The following ZNF577 variants were observed in gnomAD, a reference collection of about 807,000 sequenced individuals.
ZNF577 encodes zinc finger protein 577.
A neutral mutation model predicts 13.9 loss-of-function variants in ZNF577; 14 were observed. The ratio of observed to expected loss-of-function variants is 1.00; its 90% CI spans 0.66 to 1.57. The LOEUF is 1.57. Among genes scored for constraint, ZNF577 ranks in the 40% most tolerant of loss-of-function variants. ZNF577 has a pLI of 0.00. For missense variants in ZNF577, 555 were observed against 579.2 expected (o/e 0.96, Z 0.43); for synonymous variants, 203 against 202.9 (o/e 1.00, Z 0.00).
chr19:51,874,973 G>A (rs2084732665), intron 5 of ZNF577, among the ~76,000 whole-genome samples: 1 of 152,146 alleles, frequency 6.6e-6, no homozygotes, highest in African/African-American at 2.4e-5. Context: ...TTAATAAAAT[G>A]AGGGTAAAAG....
intron 5 of ZNF577, among the ~76,000 whole-genome samples, chr19:51,858,982 C>G (rs1209891360): frequency 6.6e-6 from 1 of 152,160 alleles, no homozygotes; most frequent in Non-Finnish European, 1.5e-5. Flanking sequence ...ATACATACTA[C>G]GCAGATAGAT....
chr19:51,832,946 C>T (rs963683271), intron 9 of ZNF577, among the ~76,000 whole-genome samples: 4 of 152,174 alleles, frequency 2.6e-5, no homozygotes, highest in African/African-American at 9.6e-5. Flanking sequence ...CAAGTCTTGA[C>T]ATACTCCAAT....
chr19:51,877,926 G>C (rs1190632589), intron 4 of ZNF577: 2 of 156,194 alleles, frequency 1.3e-5, no homozygotes, highest in Admixed American at 6.2e-5. Flanking sequence ...ATATTATTCA[G>C]CCTTAAAAAG....
In ZNF577 at chr19:51,877,364, G is replaced by C. The variant is rs746941003; in HGVS notation, c.201C>G (p.Thr67=). The C allele has an allele frequency of 6.2e-7, 1 of 1,614,064 alleles. No individual in the cohort carries two copies. The highest frequency in any genetic ancestry group is 1.3e-5 in the African/African-American group (1 of 75,028). Residue 67 remains threonine (T), a synonymous_variant, in exon 5 of 6, where the codon ACC becomes ACG. Transcript: ENST00000638348. Reference sequence around the variant, plus strand: ...CCAACTTGAAGAGCGAATCTGGCTTGGTGCCTCGATACCCTGTAAATGGGA... The same window carrying C: ...CCAACTTGAAGAGCGAATCTGGCTTCGTGCCTCGATACCCTGTAAATGGGA... ...INLVSIGYRG[T]KPDSLFKLEQ...
At chr19:51,838,636 G>T (rs1412431720) in intron 9 of ZNF577, among the ~76,000 whole-genome samples, 1 of 147,560 alleles carries the variant, frequency 6.8e-6, no homozygotes, top group Admixed American at 6.8e-5. Flanking sequence ...AAATTAAATA[G>T]AATTTAATTT....
At chr19:51,863,027 C>T (rs1036018256), downstream of ZNF577, 3 of 152,218 alleles carry the variant, frequency 2.0e-5, no homozygotes, top group Non-Finnish European at 4.4e-5. Context: ...TGATGATACA[C>T]AAGCCCTGAA....
chr19:51,833,210 C>G (rs1409912075), intron 9 of ZNF577, among the ~76,000 whole-genome samples: 1 of 152,124 alleles, frequency 6.6e-6, no homozygotes, highest in African/African-American at 2.4e-5. Flanking sequence ...CGGGCTCTAC[C>G]TGTGTTTCCC....
chr19:51,883,940 G>C (rs1435993156), intron 1 of ZNF577, among the ~76,000 whole-genome samples: 1 of 152,124 alleles, frequency 6.6e-6, no homozygotes, highest in Non-Finnish European at 1.5e-5. Context: ...CTGGTGTGGT[G>C]GCAGATGCCT....
chr19:51,880,192 A>G (rs1599876337), intron 3 of ZNF577, 131 bp downstream of exon 3: 3 of 979,628 alleles, frequency 3.1e-6, no homozygotes, highest in East Asian at 2.4e-5. Context: ...TTACCCCACT[A>G]AACAACAGGA....
chr19:51,837,594 G>A (rs2122533000), intron 9 of ZNF577, among the ~76,000 whole-genome samples: 1 of 152,286 alleles, frequency 6.6e-6, no homozygotes, highest in Non-Finnish European at 1.5e-5. Flanking sequence ...TATGCTAAGT[G>A]CACAAAGTCA....
At chr19:51,818,892 T>A (rs1670839238) in intron 9 of ZNF577, among the ~76,000 whole-genome samples, 1 of 152,206 alleles carries the variant, frequency 6.6e-6, no homozygotes, top group African/African-American at 2.4e-5. Context: ...TTTTTCCTTT[T>A]GAAATATAAT....
At chr19:51,832,319 T>C (rs967934585) in intron 9 of ZNF577, among the ~76,000 whole-genome samples, 2 of 152,088 alleles carry the variant, frequency 1.3e-5, no homozygotes, top group Non-Finnish European at 2.9e-5. Context: ...TAATTTGTAT[T>C]GAGTCTAAAG....
intron 5 of ZNF577, among the ~76,000 whole-genome samples, chr19:51,852,859 A>AT (rs1158463098): frequency 6.6e-6 from 1 of 152,068 alleles, no homozygotes; most frequent in Non-Finnish European, 1.5e-5. Context: ...TGTTTTAATA[A>AT]TTGTATATGC....
chr19:51,876,303 G>A (rs1293996470), intron 5 of ZNF577, among the ~76,000 whole-genome samples: 1 of 152,174 alleles, frequency 6.6e-6, no homozygotes, highest in Non-Finnish European at 1.5e-5. Flanking sequence ...AATATTCGGA[G>A]AGCTGTCCTG....
At chr19:51,859,060 A>C (rs904642892) in intron 5 of ZNF577, among the ~76,000 whole-genome samples, 3 of 152,294 alleles carry the variant, frequency 2.0e-5, no homozygotes, top group African/African-American at 7.2e-5. Context: ...AGATTTACCT[A>C]TTCAGAGTAT....
At chr19:51,879,632 T>C (rs960283185) in intron 3 of ZNF577, among the ~76,000 whole-genome samples, 1 of 152,188 alleles carries the variant, frequency 6.6e-6, no homozygotes, top group Non-Finnish European at 1.5e-5. Flanking sequence ...CAAGTATGTA[T>C]ACATAAATGT....
intron 5 of ZNF577, among the ~76,000 whole-genome samples, chr19:51,849,973 G>A (rs1399207075): frequency 2.0e-5 from 3 of 152,184 alleles, no homozygotes. Flanking sequence ...AATGTTATGT[G>A]CTGTATCATT....
chr19:51,805,758 G>A (rs1274922192), intron 10 of ZNF577, among the ~76,000 whole-genome samples: 1 of 152,140 alleles, frequency 6.6e-6, no homozygotes, highest in Non-Finnish European at 1.5e-5. Context: ...AGTTACAGAG[G>A]ACATCACAAC....
intron 1 of ZNF577, among the ~76,000 whole-genome samples, chr19:51,885,043 C>T (rs2084921493): frequency 6.6e-6 from 1 of 152,170 alleles, no homozygotes; most frequent in African/African-American, 2.4e-5. Context: ...TGATGGCCAA[C>T]CATACGGTGA....
Sources: gnomAD v4.1 joint callset for allele counts (sites outside exome capture counted in the v4.1 genomes callset) on GRCh38, gnomAD v4.1.1 for gene constraint, MANE v1.5 for transcripts, NCBI Gene and HGNC (gene_info 2026-07-23, HGNC 2026-07-21) for gene names.